The following ZNF407 variants were observed in gnomAD, a reference collection of about 807,000 sequenced individuals.
The protein encoded by ZNF407 is zinc finger protein 407.
A neutral mutation model predicts 131.2 loss-of-function variants in ZNF407; 17 were observed. The observed-to-expected ratio is 0.13, with a 90% CI of 0.09 to 0.19. The LOEUF is 0.19. Ranked by LOEUF, ZNF407 falls within the 10% of genes least tolerant of loss-of-function variation. The probability of loss-of-function intolerance (pLI) is 1.00; values close to 1 mark genes in which losing one functional copy is unlikely to be tolerated. For missense variants in ZNF407, 2,681 were observed against 2,830.6 expected (o/e 0.95, Z 1.20); for synonymous variants, 1,156 against 1,062.0 (o/e 1.09, Z -1.72).
intron 3 of ZNF407, among the ~76,000 whole-genome samples, chr18:74,675,781 C>T (rs972281579): frequency 2.0e-5 from 3 of 152,152 alleles, no homozygotes; most frequent in African/African-American, 7.2e-5. Flanking sequence ...TACCCTCTTT[C>T]CGACAATTCG....
chr18:74,933,167 A>T (rs1279147499), intron 8 of ZNF407, among the ~76,000 whole-genome samples: 2 of 152,250 alleles, frequency 1.3e-5, no homozygotes, highest in Non-Finnish European at 2.9e-5. Flanking sequence ...AGAATGGATC[A>T]ACAAAGTTTG....
At chr18:74,657,901 TTTCTTCTTC>T (rs58407278) in intron 3 of ZNF407, among the ~76,000 whole-genome samples, 2,373 of 147,730 alleles carry the variant, frequency 0.016, 49 homozygotes, top group African/African-American at 0.048. Context: ...CTCCTTTTCC[TTTCTTCTTC>T]TTCTTCTTCT....
intron 8 of ZNF407, among the ~76,000 whole-genome samples, chr18:74,983,668 A>G (rs1168772089): frequency 2.0e-5 from 3 of 152,242 alleles, no homozygotes; most frequent in Admixed American, 1.3e-4. Context: ...CATAGCAATT[A>G]GAAGGAAAAT....
At chr18:74,954,092 T>C (rs1972248815) in intron 8 of ZNF407, among the ~76,000 whole-genome samples, 1 of 152,250 alleles carries the variant, frequency 6.6e-6, no homozygotes, top group Admixed American at 6.5e-5. Context: ...TATTGACTTT[T>C]CCAATATTAA....
At chr18:74,844,790 G>C (rs1014819422) in intron 4 of ZNF407, among the ~76,000 whole-genome samples, 1 of 152,126 alleles carries the variant, frequency 6.6e-6, no homozygotes, top group Non-Finnish European at 1.5e-5. Flanking sequence ...AATCTGATGG[G>C]GCCCAGAGGG....
chr18:74,909,927 G>A (rs1971646748), intron 7 of ZNF407, among the ~76,000 whole-genome samples: 2 of 152,252 alleles, frequency 1.3e-5, no homozygotes, highest in South Asian at 4.1e-4. Flanking sequence ...ATTTCCAGAA[G>A]AGGAATTTAT....
intron 8 of ZNF407, among the ~76,000 whole-genome samples, chr18:75,041,538 A>G (rs1231339977): frequency 6.6e-6 from 1 of 151,794 alleles, no homozygotes; most frequent in East Asian, 1.9e-4. Context: ...CTTTTTAGCC[A>G]TGAGATCACT....
intron 8 of ZNF407, among the ~76,000 whole-genome samples, chr18:74,985,288 A>C (rs1972639899): frequency 6.6e-6 from 1 of 152,208 alleles, no homozygotes; most frequent in African/African-American, 2.4e-5. Flanking sequence ...AAGAAAAATA[A>C]AACATGAAAA....
intron 8 of ZNF407, among the ~76,000 whole-genome samples, chr18:75,034,367 G>A (rs1279326845): frequency 6.9e-6 from 1 of 144,330 alleles, no homozygotes; most frequent in Non-Finnish European, 1.5e-5. Flanking sequence ...GCAGTGGCGC[G>A]ACCTCGACTC....
rs750841114 is a variant in ZNF407 at position 74,877,373 on chromosome 18, G to T, written c.5044+10G>T. ...TACAGGACGCACACAGGTGTGCCGC[G>T]CCGCCTTCCTATCCCAGGAGGCTGG... is the stretch of plus-strand genomic sequence containing the variant. On this transcript the variant is annotated intron_variant, in intron 5 of 8. Coordinates refer to ENST00000299687, the MANE Select transcript of ZNF407 (RefSeq NM_017757.3). The T allele has an allele frequency of 5.1e-5, 82 of 1,609,086 alleles. No homozygotes were observed. Among genetic ancestry groups the T allele is most frequent in the Non-Finnish European group, 6.8e-5 (80 of 1,177,058 alleles).
chr18:74,831,656 A>T (rs1970485071), intron 4 of ZNF407, among the ~76,000 whole-genome samples: 2 of 152,138 alleles, frequency 1.3e-5, no homozygotes, highest in East Asian at 3.9e-4. Context: ...TTCTTTATTC[A>T]TCCATCTGTG....
intron 7 of ZNF407, among the ~76,000 whole-genome samples, chr18:74,900,172 G>A (rs925677057): frequency 1.3e-5 from 2 of 152,176 alleles, no homozygotes; most frequent in African/African-American, 2.4e-5. Context: ...TGAAGCAGGG[G>A]CACTGCTAAT....
At chr18:74,611,006 G>A (rs1303444171) in intron 1 of ZNF407, among the ~76,000 whole-genome samples, 2 of 152,184 alleles carry the variant, frequency 1.3e-5, no homozygotes, top group African/African-American at 4.8e-5. Context: ...ATGAAGTAAT[G>A]GTTAACACCT....
At chr18:74,661,000 G>A (rs1211052746) in intron 3 of ZNF407, among the ~76,000 whole-genome samples, 1 of 152,130 alleles carries the variant, frequency 6.6e-6, no homozygotes, top group Non-Finnish European at 1.5e-5. Flanking sequence ...TCTATTAAAA[G>A]CGGATGTCAT....
At chr18:74,795,123 C>T (rs537437266) in intron 4 of ZNF407, among the ~76,000 whole-genome samples, 56 of 151,976 alleles carry the variant, frequency 3.7e-4, no homozygotes, top group African/African-American at 1.3e-3. Context: ...AAGTATAAAA[C>T]AAGACTTTTC....
At chr18:75,032,348 C>T (rs1973251118) in intron 8 of ZNF407, among the ~76,000 whole-genome samples, 1 of 152,210 alleles carries the variant, frequency 6.6e-6, no homozygotes, top group Non-Finnish European at 1.5e-5. Context: ...TGGCTGCCCT[C>T]AGCTCCTTCA....
chr18:74,775,470 G>A (rs956247274), intron 3 of ZNF407, among the ~76,000 whole-genome samples: 1 of 152,202 alleles, frequency 6.6e-6, no homozygotes, highest in African/African-American at 2.4e-5. Context: ...GATGTCAACT[G>A]CAAGTGCAGT....
chr18:74,764,757 C>G (rs781530391), intron 3 of ZNF407, among the ~76,000 whole-genome samples: 1 of 152,192 alleles, frequency 6.6e-6, no homozygotes, highest in Non-Finnish European at 1.5e-5. Context: ...CCAGACTCAA[C>G]TACTAGTAGC....
chr18:74,973,383 A>G (rs1406981086), intron 8 of ZNF407, among the ~76,000 whole-genome samples: 1 of 152,192 alleles, frequency 6.6e-6, no homozygotes, highest in Non-Finnish European at 1.5e-5. Context: ...TGACATATAC[A>G]TACTAAGTAG....
Sources: gnomAD v4.1 joint callset for allele counts (sites outside exome capture counted in the v4.1 genomes callset) on GRCh38, gnomAD v4.1.1 for gene constraint, MANE v1.5 for transcripts, NCBI Gene and HGNC (gene_info 2026-07-23, HGNC 2026-07-21) for gene names.